KCNQ1: variants seen among roughly 807,000 people sequenced by gnomAD.
The protein encoded by KCNQ1 is potassium voltage-gated channel subfamily KQT member 1.
KCNQ1 carries 49 observed loss-of-function variants against 72.4 expected under a neutral mutation model. The observed-to-expected ratio is 0.68, with a 90% CI of 0.54 to 0.86. The LOEUF is 0.86. Ranked by LOEUF, KCNQ1 falls within the 40% of genes least tolerant of loss-of-function variation. The pLI, the probability that KCNQ1 is intolerant of heterozygous loss-of-function variation, is 0.00. For synonymous variants in KCNQ1, 450 were observed against 412.6 expected (o/e 1.09, Z -1.10); for missense variants, 790 against 945.1 (o/e 0.84, Z 2.15).
At position 2,497,823 on chromosome 11, in the gene KCNQ1, G is replaced by A. The variant is rs372197675; in HGVS notation, c.387-30105G>A. On this transcript the variant is annotated intron_variant, in intron 1 of 15. Coordinates refer to ENST00000155840, the MANE Select transcript of KCNQ1 (RefSeq NM_000218.3). The surrounding 1 kb of genome is among the most constrained non-coding windows in gnomAD (Gnocchi z 4.5). ...GTGGATTTATCTGCCTTTGCTCTTT[G>A]AGGCTGATGACCTTTGGATGGGGTT... 3.3e-4 allele frequency among the ~76,000 whole-genome samples: 51 copies of A among 152,324 alleles called. No individual in the cohort carries two copies. The South Asian group carries it at 0.011, about 32-fold the overall frequency.
chr11:2,502,519 TG>T (rs1175278367), intron 1 of KCNQ1, among the ~76,000 whole-genome samples: 24 of 152,262 alleles, frequency 1.6e-4, no homozygotes, highest in African/African-American at 5.8e-4. Flanking sequence ...TATAATACAC[TG>T]ATGCAAGAAA....
chr11:2,697,070 T>C (rs1407135583), intron 11 of KCNQ1: 2 of 398,596 alleles, frequency 5.0e-6, no homozygotes, highest in East Asian at 3.6e-5. Flanking sequence ...ATTTTCATAA[T>C]AATACTCGAC....
chr11:2,691,826 C>T lies in KCNQ1; in HGVS notation c.1514+29745C>T. ...TCACAAGCACTGGATCCAATGTGAC[C>T]TCTGCCAGGACCATGACCCCTAGGT... On this transcript the variant is annotated intron_variant, in intron 11 of 15. Transcript: ENST00000155840. This position sits in a 1 kb window ranked among gnomAD's most constrained non-coding sequence, Gnocchi z 6.4. 1 of 398,718 alleles carries T rather than the reference C, an allele frequency of 2.5e-6. No individual in the cohort carries two copies. The highest frequency in any genetic ancestry group is 3.6e-5 in the East Asian group (1 of 28,072). The allele number at this position is 398,718 out of a possible 1,614,324, so 24.7% of individuals were successfully genotyped here. A position where few individuals can be genotyped will look rare whatever the true frequency, so the allele number is the denominator to read the frequency against.
chr11:2,837,851 C>A (rs376005779), intron 15 of KCNQ1, among the ~76,000 whole-genome samples: 1 of 152,352 alleles, frequency 6.6e-6, no homozygotes, highest in East Asian at 1.9e-4. Context: ...CAGGGGCCGG[C>A]GGCGAGGGAC....
chr11:2,721,530 CA>C (rs1174653863), intron 11 of KCNQ1, among the ~76,000 whole-genome samples: 1 of 152,248 alleles, frequency 6.6e-6, no homozygotes, highest in East Asian at 1.9e-4. Flanking sequence ...CAAATTGTAT[CA>C]AGAAATATTT....
Position 2,451,203 on chromosome 11 carries a change from G to A in KCNQ1, c.386+5719G>A, listed in dbSNP as rs891705019. Among the ~76,000 whole-genome samples the A allele has an allele frequency of 7.2e-5, 11 of 152,104 alleles. No homozygotes were observed. The highest frequency in any genetic ancestry group is 1.9e-4 in the African/African-American group (8 of 41,394). ...TTATGGAAGAAAGATTTTTCCACCCGGGCAGTGGTGATCTTGGGATGAAAC... is the reference window on the plus strand; with the variant it reads ...TTATGGAAGAAAGATTTTTCCACCCAGGCAGTGGTGATCTTGGGATGAAAC... On this transcript the variant is annotated intron_variant, in intron 1 of 15. Coordinates refer to ENST00000155840, the MANE Select transcript of KCNQ1 (RefSeq NM_000218.3). The surrounding 1 kb of genome is among the most constrained non-coding windows in gnomAD (Gnocchi z 6.4).
chr11:2,587,823 C>A, intron 9 of KCNQ1, 131 bp downstream of exon 9: 1 of 1,293,992 alleles, frequency 7.7e-7, no homozygotes, highest in Non-Finnish European at 1.1e-6. Context: ...GAGTCAGCAT[C>A]GTTCGGGACA....
chr11:2,732,202 G>A (rs1040449315), intron 11 of KCNQ1, among the ~76,000 whole-genome samples: 7 of 152,232 alleles, frequency 4.6e-5, no homozygotes, highest in South Asian at 2.1e-4. Context: ...GGGTGAGGAC[G>A]ATGCTTGGTC....
chr11:2,531,983 G>GGCTC lies in KCNQ1; in HGVS notation c.477+3966_477+3969dup, dbSNP rs1847641971. 3.9e-5 allele frequency among the ~76,000 whole-genome samples: 6 copies of GGCTC among 152,222 alleles called. 1 individual carries two copies. The South Asian group carries it at 1.2e-3, about 32-fold the overall frequency. ...TACCCACCCCACCTCACCCAGCCTG[G>GGCTC]GCTCACTCACTCCAGGCCAAGCCTT... On this transcript the variant is annotated intron_variant, in intron 2 of 15. Coordinates refer to ENST00000155840, the MANE Select transcript of KCNQ1 (RefSeq NM_000218.3).
In KCNQ1 at chr11:2,673,901, C is replaced by T. The variant is rs1309698997; in HGVS notation, c.1514+11820C>T. On this transcript the variant is annotated intron_variant, in intron 11 of 15. Coordinates refer to ENST00000155840, the MANE Select transcript of KCNQ1 (RefSeq NM_000218.3). This position sits in a 1 kb window ranked among gnomAD's most constrained non-coding sequence, Gnocchi z 4.5. ...GCAGGCACAGGAAGGGATGGGAGCTCAGCTCACCGGGTGCTAGACAAGGGA... is the reference window on the plus strand; with the variant it reads ...GCAGGCACAGGAAGGGATGGGAGCTTAGCTCACCGGGTGCTAGACAAGGGA... The T allele has an allele frequency of 7.6e-6, 3 of 397,056 alleles. No homozygotes were observed. Among genetic ancestry groups the T allele is most frequent in the South Asian group, 1.3e-4 (1 of 7,814 alleles). The allele number at this position is 397,056 out of a possible 1,614,324, so 24.6% of individuals were successfully genotyped here.
At chr11:2,551,484 T>G (rs1847983306) in intron 2 of KCNQ1, among the ~76,000 whole-genome samples, 1 of 152,246 alleles carries the variant, frequency 6.6e-6, no homozygotes, top group African/African-American at 2.4e-5. Context: ...TACCACAGTT[T>G]GTTTATCCAT....
chr11:2,840,177 T>G (rs1455524563), intron 15 of KCNQ1: 1 of 152,142 alleles, frequency 6.6e-6, no homozygotes, highest in Non-Finnish European at 1.5e-5. Context: ...TAAAGTAAAG[T>G]AAGGAAGAGA....
rs974321901 is a variant in KCNQ1, at chr11:2,824,318, A to C, written c.1795-23449A>C. ...CAGGGGTGGAAAGAAGACAGATACG[A>C]GAGGGGATTTGGAGACACAATCCCC... On this transcript the variant is annotated intron_variant, in intron 15 of 15. Coordinates refer to ENST00000155840, the MANE Select transcript of KCNQ1 (RefSeq NM_000218.3). The surrounding 1 kb of genome is among the most constrained non-coding windows in gnomAD (Gnocchi z 5.9). 6.6e-6 allele frequency among the ~76,000 whole-genome samples: 1 copy of C among 152,082 alleles called. No homozygotes were observed. Among genetic ancestry groups the C allele is most frequent in the African/African-American group, 2.4e-5 (1 of 41,388 alleles).
intron 11 of KCNQ1, among the ~76,000 whole-genome samples, chr11:2,761,182 A>G (rs901356553): frequency 6.6e-6 from 1 of 151,994 alleles, no homozygotes; most frequent in Non-Finnish European, 1.5e-5. Context: ...TTCCCCTGGC[A>G]TCAGGCGGCT....
At position 2,762,584 on chromosome 11, in the gene KCNQ1, C is replaced by G. The variant is rs532485448; in HGVS notation, c.1515-6260C>G. On this transcript the variant is annotated intron_variant, in intron 11 of 15. Coordinates refer to ENST00000155840, the MANE Select transcript of KCNQ1 (RefSeq NM_000218.3). This position sits in a 1 kb window ranked among gnomAD's most constrained non-coding sequence, Gnocchi z 4.3. The stretch of plus-strand genomic sequence containing the variant: ...CCACAGACCGGTACCCATCCATAGA[C>G]TGTTAGGAACAGGACCGTGCAGCAG... Among the ~76,000 whole-genome samples, 13 of 152,332 alleles carry G rather than the reference C, an allele frequency of 8.5e-5. No homozygotes were observed. The highest frequency in any genetic ancestry group is 3.1e-4 in the African/African-American group (13 of 41,566).
chr11:2,542,015 T>C (rs16928429), intron 2 of KCNQ1, among the ~76,000 whole-genome samples: 23,328 of 152,250 alleles, frequency 0.15, 2,398 homozygotes, highest in African/African-American at 0.29. Context: ...CCGTGCCTGC[T>C]GTGGCTCTCC....
chr11:2,797,672 CCCT>C (rs531317426), intron 15 of KCNQ1, among the ~76,000 whole-genome samples: 88 of 152,148 alleles, frequency 5.8e-4, no homozygotes, highest in African/African-American at 2.0e-3. Context: ...GTAGTCTGGC[CCCT>C]CCTCCTCCCC....
chr11:2,498,672 C>T lies in KCNQ1; in HGVS notation c.387-29256C>T, dbSNP rs542191639. Among the ~76,000 whole-genome samples the T allele has an allele frequency of 6.6e-6, 1 of 152,224 alleles. No individual in the cohort carries two copies. Among genetic ancestry groups the T allele is most frequent in the Non-Finnish European group, 1.5e-5 (1 of 68,034 alleles). Reference sequence around the variant, plus strand: ...AGACCACTTGGCTTCCTGGCCTCAGCCCCCTTTCCAGGGGAGTAAATGATT... The same window carrying T: ...AGACCACTTGGCTTCCTGGCCTCAGTCCCCTTTCCAGGGGAGTAAATGATT... On this transcript the variant is annotated intron_variant, in intron 1 of 15. Transcript: ENST00000155840. The surrounding 1 kb of genome is among the most constrained non-coding windows in gnomAD (Gnocchi z 4.8).
intron 11 of KCNQ1, among the ~76,000 whole-genome samples, chr11:2,731,117 C>T (rs753537970): frequency 5.3e-5 from 8 of 152,200 alleles, no homozygotes; most frequent in Admixed American, 6.5e-5. Context: ...CAGCCAGGCA[C>T]CTCTGTTCAC....
Sources: allele counts gnomAD v4.1 joint callset (sites outside exome capture counted in the v4.1 genomes callset), GRCh38; gene constraint gnomAD v4.1.1; non-coding constraint Gnocchi (gnomAD v3.1); transcripts MANE v1.5; gene names NCBI Gene and HGNC (gene_info 2026-07-23, HGNC 2026-07-21).